DNAJC3: variants seen among roughly 807,000 people sequenced by gnomAD.
DNAJC3 encodes the protein DnaJ heat shock protein family (Hsp40) member C3.
Under a neutral mutation model 68.6 loss-of-function variants are expected in DNAJC3, and 38 were observed. The observed-to-expected ratio is 0.55, with a 90% CI of 0.43 to 0.73. DNAJC3 has a LOEUF of 0.73. DNAJC3 is among the 30% of genes least tolerant of loss of function. DNAJC3 has a pLI of 0.00. For missense variants in DNAJC3, 526 were observed against 591.9 expected, an observed-to-expected ratio of 0.89 and a Z score of 1.16; for synonymous variants, 203 against 204.0, an observed-to-expected ratio of 1.00 and a Z score of 0.04.
chr13:95,760,648 G>C, intron 6 of DNAJC3, 31 bp from the exon 7 acceptor site: 1 of 1,580,826 alleles, frequency 6.3e-7, no homozygotes, highest in Non-Finnish European at 8.6e-7. Flanking sequence ...TTTTGACATG[G>C]AGTATTTTCC....
In DNAJC3 at chr13:95,709,391, T is replaced by C. The variant is rs1880875262; in HGVS notation, c.193+54T>C. On this transcript the variant is annotated intron_variant, in intron 2 of 11. Transcript: ENST00000602402. ...TGTCTGTCTTAGTGAATTCTAGTAA[T>C]AGCTCTTTTTTTAAAAATAACATTT... The C allele has an allele frequency of 3.0e-5, 37 of 1,216,038 alleles. No homozygotes were observed. The South Asian group carries it at 5.5e-4, about 18-fold the overall frequency. The allele number at this position is 1,216,038 out of a possible 1,614,324, so 75.3% of individuals were successfully genotyped here. A position where few individuals can be genotyped will look rare whatever the true frequency, so the allele number is the denominator to read the frequency against.
rs1415989650 is a variant in DNAJC3, at chr13:95,791,581, G to C, written c.*551G>C. 1 of 153,016 alleles carries C rather than the reference G, an allele frequency of 6.5e-6. No homozygotes were observed. Among genetic ancestry groups the C allele is most frequent in the Non-Finnish European group, 1.5e-5 (1 of 68,698 alleles). 9.5% of individuals were successfully genotyped at this position (153,016 alleles called of 1,614,324 possible). A position where few individuals can be genotyped will look rare whatever the true frequency, so the allele number is the denominator to read the frequency against. On this transcript the variant is annotated 3_prime_UTR_variant, in exon 12 of 12. Transcript: ENST00000602402. ...TTGCACCTCTGTGGTCTGTCAACGT[G>C]GCTGTCACTGAAGGAGCAAGAGACC... is the stretch of plus-strand genomic sequence containing the variant.
At chr13:95,690,633 T>G (rs1199378110) in intron 1 of DNAJC3, among the ~76,000 whole-genome samples, 10 of 138,770 alleles carry the variant, frequency 7.2e-5, no homozygotes, top group African/African-American at 2.9e-4. Context: ...CCCACCTCCC[T>G]CCCGGACGGG....
rs1402191142 is a variant in DNAJC3, at chr13:95,690,950, G to C, written c.82+13613G>C. Among the ~76,000 whole-genome samples the C allele has an allele frequency of 2.2e-5, 3 of 137,624 alleles. 1 individual carries two copies. Among genetic ancestry groups the C allele is most frequent in the Non-Finnish European group, 4.7e-5 (3 of 63,660 alleles). The allele number at this position is 137,624 out of a possible 152,430, so 90.3% of individuals were successfully genotyped here. A position where few individuals can be genotyped will look rare whatever the true frequency, so the allele number is the denominator to read the frequency against. ...CCCCCACCTCCCTCCCGGACGGGGC[G>C]GCTGGCCGGGCGGGGGGCTGACACC... On this transcript the variant is annotated intron_variant, in intron 1 of 11. Coordinates refer to ENST00000602402, the MANE Select transcript of DNAJC3 (RefSeq NM_006260.5).
At position 95,793,592 on chromosome 13, in the gene DNAJC3, T is replaced by C. The variant is rs929104896; in HGVS notation, c.*2562T>C. On this transcript the variant is annotated 3_prime_UTR_variant, in exon 12 of 12. Transcript: ENST00000602402. ...CAGTTCTCCTGCCTCAGCCTCCAAG[T>C]AGCTGGGACTATAGGCACGCACCAC... 6.7e-6 allele frequency: 1 copy of C among 148,710 alleles called. No individual in the cohort carries two copies. Among genetic ancestry groups the C allele is most frequent in the Non-Finnish European group, 1.5e-5 (1 of 67,848 alleles). 9.2% of individuals were successfully genotyped at this position (148,710 alleles called of 1,614,324 possible). A position where few individuals can be genotyped will look rare whatever the true frequency, so the allele number is the denominator to read the frequency against.
At chr13:95,677,423 G>T in intron 1 of DNAJC3, 86 bp downstream of exon 1, 3 of 1,389,758 alleles carry the variant, frequency 2.2e-6, no homozygotes, top group Non-Finnish European at 2.9e-6. Context: ...CGCCTGTCCC[G>T]GAGCGGCTCG....
At chr13:95,744,351 C>A (rs9590321) in intron 4 of DNAJC3, among the ~76,000 whole-genome samples, 47,275 of 152,020 alleles carry the variant, frequency 0.31, 10,863 homozygotes, top group African/African-American at 0.65. Flanking sequence ...AGTGGGCATT[C>A]AGATGGGAGA....
At chr13:95,773,134 T>G in intron 9 of DNAJC3, among the ~76,000 whole-genome samples, 1 of 148,374 alleles carries the variant, frequency 6.7e-6, no homozygotes, top group African/African-American at 2.5e-5. Context: ...TTTGGTAGGA[T>G]GGTTTTTGAC....
intron 1 of DNAJC3, among the ~76,000 whole-genome samples, chr13:95,690,565 G>A (rs1478017612): frequency 6.6e-6 from 1 of 151,220 alleles, no homozygotes; most frequent in South Asian, 2.1e-4. Flanking sequence ...GGGGCGGCCG[G>A]GCAGAGGCGC....
chr13:95,776,319 T>G (rs1007097059), intron 9 of DNAJC3, among the ~76,000 whole-genome samples: 1 of 152,196 alleles, frequency 6.6e-6, no homozygotes, highest in African/African-American at 2.4e-5. Flanking sequence ...GGGTAAGGAT[T>G]CAGTGCAATT....
chr13:95,777,953 G>C (rs1883334284), intron 9 of DNAJC3, among the ~76,000 whole-genome samples: 1 of 152,142 alleles, frequency 6.6e-6, no homozygotes, highest in African/African-American at 2.4e-5. Context: ...TATAGACTAT[G>C]ATTTATGGCC....
At chr13:95,683,956 C>G (rs1270190594) in intron 1 of DNAJC3, among the ~76,000 whole-genome samples, 7 of 149,574 alleles carry the variant, frequency 4.7e-5, no homozygotes, top group African/African-American at 1.5e-4. Context: ...AAAAAATTAC[C>G]CAGTTCCGGG....
At chr13:95,764,663 T>TACACACACACACAC (rs1882925812) in intron 9 of DNAJC3, among the ~76,000 whole-genome samples, 3 of 121,532 alleles carry the variant, frequency 2.5e-5, no homozygotes, top group Non-Finnish European at 4.9e-5. Context: ...TATATATATA[T>TACACACACACACAC]ATATATATAT....
At chr13:95,745,151 C>T (rs1443259779) in intron 4 of DNAJC3, 1 of 152,010 alleles carries the variant, frequency 6.6e-6, no homozygotes, top group Non-Finnish European at 1.5e-5. Flanking sequence ...TAAACTTGGG[C>T]ATACATAATA....
intron 4 of DNAJC3, among the ~76,000 whole-genome samples, chr13:95,731,966 C>CT (rs1300742891): frequency 6.6e-6 from 1 of 150,418 alleles, no homozygotes; most frequent in Non-Finnish European, 1.5e-5. Context: ...TCTGAAACTC[C>CT]TGGGCTTAAG....
chr13:95,784,489 G>A (rs1194377272), intron 9 of DNAJC3, among the ~76,000 whole-genome samples: 2 of 152,058 alleles, frequency 1.3e-5, no homozygotes, highest in African/African-American at 4.8e-5. Context: ...TGTGTGAAAT[G>A]TTGTCTACCA....
intron 2 of DNAJC3, among the ~76,000 whole-genome samples, chr13:95,713,915 C>T (rs888711403): frequency 2.0e-5 from 3 of 152,202 alleles, no homozygotes; most frequent in Non-Finnish European, 2.9e-5. Flanking sequence ...CAAACTTTTC[C>T]AAGTGGCCCT....
chr13:95,793,301 T>C lies in DNAJC3; in HGVS notation c.*2271T>C, dbSNP rs944660265. The C allele has an allele frequency of 1.3e-5, 2 of 152,136 alleles. No homozygotes were observed. Among genetic ancestry groups the C allele is most frequent in the East Asian group, 3.9e-4 (2 of 5,176 alleles). 9.4% of individuals were successfully genotyped at this position (152,136 alleles called of 1,614,324 possible). On this transcript the variant is annotated 3_prime_UTR_variant, in exon 12 of 12. Coordinates refer to ENST00000602402, the MANE Select transcript of DNAJC3 (RefSeq NM_006260.5). ...CAGCCTTGATGGCTGTCGGCAGTTT[T>C]CTGGTGTCCACCCAAACGGAGAGAC...
chr13:95,729,751 T>TAATCACTA (rs1881654576), intron 4 of DNAJC3, among the ~76,000 whole-genome samples: 3 of 152,116 alleles, frequency 2.0e-5, no homozygotes, highest in Non-Finnish European at 4.4e-5. Flanking sequence ...TTTCCCTGAT[T>TAATCACTA]ATTAGTGATG....
Sources: gnomAD v4.1 joint callset for allele counts (sites outside exome capture counted in the v4.1 genomes callset) on GRCh38, gnomAD v4.1.1 for gene constraint, MANE v1.5 for transcripts, NCBI Gene and HGNC (gene_info 2026-07-23, HGNC 2026-07-21) for gene names.